EVL: variants seen among roughly 807,000 people sequenced by gnomAD.
EVL encodes ena/VASP-like protein.
In EVL, 21 loss-of-function variants were observed where a neutral mutation model predicts 59.6. The ratio of observed to expected loss-of-function variants is 0.35; its 90% CI spans 0.25 to 0.51. The LOEUF is 0.51. Among genes scored for constraint, EVL ranks in the 20% least tolerant of loss-of-function variants. EVL has a pLI of 0.97. For synonymous variants in EVL, 198 were observed against 203.5 expected, an observed-to-expected ratio of 0.97 and a Z score of 0.23; for missense variants, 462 against 546.6, an observed-to-expected ratio of 0.85 and a Z score of 1.54.
intron 2 of EVL, among the ~76,000 whole-genome samples, chr14:100,094,266 G>T (rs2140315263): frequency 6.6e-6 from 1 of 152,180 alleles, no homozygotes; most frequent in Middle Eastern, 3.4e-3. Flanking sequence ...AATCCCTAAG[G>T]TGCTATTTAG....
At chr14:100,036,836 C>T (rs559834021) in intron 1 of EVL, among the ~76,000 whole-genome samples, 3 of 152,182 alleles carry the variant, frequency 2.0e-5, no homozygotes, top group African/African-American at 7.2e-5. Flanking sequence ...TGGTTGAAGC[C>T]CCTGACCTCA....
At chr14:99,983,933 C>A (rs1231268838) in intron 1 of EVL, among the ~76,000 whole-genome samples, 1 of 152,114 alleles carries the variant, frequency 6.6e-6, no homozygotes, top group Non-Finnish European at 1.5e-5. Flanking sequence ...TTTCCCTGAT[C>A]TACTGAAGGC....
chr14:100,036,401 G>A (rs764197769), intron 1 of EVL, among the ~76,000 whole-genome samples: 1 of 152,166 alleles, frequency 6.6e-6, no homozygotes, highest in Non-Finnish European at 1.5e-5. Context: ...GATCATGAAA[G>A]CTTCAAATCA....
chr14:100,096,271 T>C (rs954704679), intron 2 of EVL, among the ~76,000 whole-genome samples: 5 of 152,218 alleles, frequency 3.3e-5, no homozygotes, highest in African/African-American at 1.2e-4. Context: ...GATCACACAG[T>C]CCTTGCAACC....
At chr14:100,141,584 A>G (rs986703100) in intron 12 of EVL, 152 bp from the exon 13 acceptor site, 1 of 674,626 alleles carries the variant, frequency 1.5e-6, no homozygotes. Context: ...GTCCCCCCTC[A>G]GCGTGGGAAG....
Position 100,129,644 on chromosome 14 carries a change from G to T in EVL, c.799G>T (p.Gly267Ter). 1 of 1,604,516 alleles carries T rather than the reference G, an allele frequency of 6.2e-7. No individual in the cohort carries two copies. Among genetic ancestry groups the T allele is most frequent in the Non-Finnish European group, 8.5e-7 (1 of 1,174,980 alleles). Residue 267 changes from glycine to a stop codon, truncating the protein, a stop_gained, in exon 7 of 14, where the codon GGA becomes TGA. Transcript: ENST00000392920. LOFTEE classifies it high-confidence loss of function. ...CCGGGCAAGCAGCGGGGGTGGCGGA[G>T]GAGGCCTCATGGAGGAAATGAACAA... ...ANRASSGGGG[G>*]GLMEEMNKLL...
At chr14:99,993,333 C>T (rs898583427) in intron 1 of EVL, among the ~76,000 whole-genome samples, 2 of 152,146 alleles carry the variant, frequency 1.3e-5, no homozygotes, top group African/African-American at 2.4e-5. Context: ...GCTAGGATTA[C>T]AGGCGTGAGC....
rs1888301227 is a variant in EVL at position 100,129,550 on chromosome 14, C to T, written c.718-13C>T. The T allele has an allele frequency of 1.9e-6, 3 of 1,613,076 alleles. No individual in the cohort carries two copies. Among genetic ancestry groups the T allele is most frequent in the African/African-American group, 1.3e-5 (1 of 74,948 alleles). On this transcript the variant is annotated splice_polypyrimidine_tract_variant and intron_variant, in intron 6 of 13. Transcript: ENST00000392920. ...AGCAGCAGAATCTAAAACGCGGCCT[C>T]CTTTTTCCTCAGCCAGAAGACGCAT...
rs1002150399 is a variant in EVL, at chr14:99,972,625, G to A, written c.5+568G>A. 6.6e-6 allele frequency among the ~76,000 whole-genome samples: 1 copy of A among 152,002 alleles called. No homozygotes were observed. Among genetic ancestry groups the A allele is most frequent in the African/African-American group, 2.4e-5 (1 of 41,362 alleles). On this transcript the variant is annotated intron_variant, in intron 1 of 13. Coordinates refer to the EVL transcript ENST00000402714. This position sits in a 1 kb window ranked among gnomAD's most constrained non-coding sequence, Gnocchi z 4.4. ...CCCTTTTTTTTCTTCTTGCACGCCA[G>A]TAAAGTGCAAGGCCCCCAAATGTAC...
intron 1 of EVL, among the ~76,000 whole-genome samples, chr14:99,995,139 T>C (rs2060905037): frequency 6.6e-6 from 1 of 152,220 alleles, no homozygotes; most frequent in African/African-American, 2.4e-5. Flanking sequence ...CGTGTCTGGA[T>C]TTATTCTATT....
At chr14:100,100,166 T>A (rs572545713) in intron 3 of EVL, among the ~76,000 whole-genome samples, 1 of 152,262 alleles carries the variant, frequency 6.6e-6, no homozygotes, top group East Asian at 1.9e-4. Context: ...AACTTCTCGT[T>A]GTCAGATAGT....
chr14:99,971,865 C>G (rs527429735), exon 1 of EVL: 1 of 147,348 alleles, frequency 6.8e-6, no homozygotes, highest in Admixed American at 6.8e-5. Context: ...CGGCCCTTCC[C>G]CGCAGCTAGC....
intron 1 of EVL, among the ~76,000 whole-genome samples, chr14:100,000,628 T>C (rs539187043): frequency 6.6e-6 from 1 of 152,274 alleles, no homozygotes; most frequent in Non-Finnish European, 1.5e-5. Flanking sequence ...ATTACAAGCA[T>C]GAGCTGTTGC....
intron 1 of EVL, among the ~76,000 whole-genome samples, chr14:100,035,097 A>C (rs1447828859): frequency 6.6e-6 from 1 of 152,192 alleles, no homozygotes; most frequent in Non-Finnish European, 1.5e-5. Context: ...GTTACAACTG[A>C]AAAACTTTTA....
intron 1 of EVL, among the ~76,000 whole-genome samples, chr14:100,000,147 A>C (rs1407646629): frequency 6.6e-6 from 1 of 152,198 alleles, no homozygotes; most frequent in Non-Finnish European, 1.5e-5. Context: ...TGTCCATCAC[A>C]CACCCTCAGG....
chr14:100,033,640 C>T (rs2061346264), intron 1 of EVL, among the ~76,000 whole-genome samples: 2 of 152,214 alleles, frequency 1.3e-5, no homozygotes, highest in Admixed American at 6.5e-5. Flanking sequence ...CTCACACTTA[C>T]TGAACTTGAC....
intron 1 of EVL, among the ~76,000 whole-genome samples, chr14:100,031,821 C>T (rs1285061615): frequency 6.6e-6 from 1 of 152,218 alleles, no homozygotes; most frequent in African/African-American, 2.4e-5. Flanking sequence ...TTTACTTTCA[C>T]TTGTTGTGTG....
At chr14:100,104,267 T>C (rs574404210) in intron 3 of EVL, among the ~76,000 whole-genome samples, 1 of 152,356 alleles carries the variant, frequency 6.6e-6, no homozygotes, top group East Asian at 1.9e-4. Context: ...ATGGTGGTGG[T>C]TTAAATCTTC....
At chr14:100,003,302 T>C (rs1416374366) in intron 1 of EVL, among the ~76,000 whole-genome samples, 1 of 152,244 alleles carries the variant, frequency 6.6e-6, no homozygotes, top group Non-Finnish European at 1.5e-5. Flanking sequence ...TAACAGGACC[T>C]GGTGTCCTTT....
Sources: allele counts gnomAD v4.1 joint callset (sites outside exome capture counted in the v4.1 genomes callset), GRCh38; gene constraint gnomAD v4.1.1; non-coding constraint Gnocchi (gnomAD v3.1); transcripts MANE v1.5; gene names NCBI Gene and HGNC (gene_info 2026-07-23, HGNC 2026-07-21).